The following CDH4 variants were observed in gnomAD, a reference collection of about 807,000 sequenced individuals.
CDH4 encodes the protein cadherin 4, also known as cadherin-4.
CDH4 carries 33 observed loss-of-function variants against 86.0 expected under a neutral mutation model. That is an observed-to-expected ratio of 0.38 (90% CI 0.29 to 0.51). The LOEUF (loss-of-function observed/expected upper bound fraction) is 0.51, where lower values mean the gene tolerates loss of function less well. CDH4 is among the 20% of genes least tolerant of loss of function. The pLI, the probability that CDH4 is intolerant of heterozygous loss-of-function variation, is 0.86. For missense variants in CDH4, 1,114 were observed against 1,307.4 expected (o/e 0.85, Z 2.28); for synonymous variants, 555 against 549.4 (o/e 1.01, Z -0.14).
chr20:61,877,301 C>T (rs1327268351), intron 7 of CDH4, among the ~76,000 whole-genome samples: 4 of 152,146 alleles, frequency 2.6e-5, no homozygotes, highest in Non-Finnish European at 4.4e-5. Context: ...GGCCAGACAC[C>T]GAGGCAAGGC....
intron 2 of CDH4, among the ~76,000 whole-genome samples, chr20:61,371,865 C>T (rs1480505554): frequency 6.6e-6 from 1 of 152,234 alleles, no homozygotes; most frequent in Admixed American, 6.5e-5. Context: ...TGTAAACCCC[C>T]ACCCTCACCA....
intron 7 of CDH4, among the ~76,000 whole-genome samples, chr20:61,877,209 A>G (rs79097100): frequency 2.6e-5 from 4 of 152,104 alleles, no homozygotes; most frequent in African/African-American, 9.7e-5. Context: ...AGGGAGGGCT[A>G]GCAGTCCCAG....
chr20:61,576,808 G>C (rs1161177728), intron 2 of CDH4, among the ~76,000 whole-genome samples: 1 of 152,178 alleles, frequency 6.6e-6, no homozygotes, highest in Non-Finnish European at 1.5e-5. Flanking sequence ...GGATTTCTCT[G>C]TGGCAAAATG....
chr20:61,654,363 G>A (rs549212629), intron 2 of CDH4, among the ~76,000 whole-genome samples: 8 of 152,326 alleles, frequency 5.3e-5, no homozygotes, highest in South Asian at 2.1e-4. Context: ...GCAGTGAGCC[G>A]AGATGGCAGC....
At chr20:61,741,734 A>G (rs1200883729) in intron 2 of CDH4, among the ~76,000 whole-genome samples, 2 of 151,246 alleles carry the variant, frequency 1.3e-5, no homozygotes, top group African/African-American at 4.9e-5. Context: ...CTCGTGATCC[A>G]CCCTCCTCGG....
intron 2 of CDH4, among the ~76,000 whole-genome samples, chr20:61,541,374 G>A (rs1188855186): frequency 6.6e-6 from 1 of 152,168 alleles, no homozygotes; most frequent in African/African-American, 2.4e-5. Context: ...GGCACCCTCT[G>A]CTGATGTTTT....
chr20:61,479,114 G>A (rs140726586), intron 2 of CDH4, among the ~76,000 whole-genome samples: 10 of 152,048 alleles, frequency 6.6e-5, no homozygotes, highest in African/African-American at 1.7e-4. Flanking sequence ...TTGTTCCTCC[G>A]TATGCAATGT....
At chr20:61,355,832 C>A (rs914439726) in intron 2 of CDH4, among the ~76,000 whole-genome samples, 3 of 152,194 alleles carry the variant, frequency 2.0e-5, no homozygotes, top group Non-Finnish European at 2.9e-5. Flanking sequence ...GCCTGAGAAG[C>A]CTTTCAGGCC....
chr20:61,851,567 G>T (rs1191442985), intron 5 of CDH4, among the ~76,000 whole-genome samples: 1 of 152,240 alleles, frequency 6.6e-6, no homozygotes, highest in Admixed American at 6.5e-5. Flanking sequence ...TACCTTGAGT[G>T]AGGTCTGTTG....
chr20:61,596,399 T>C (rs2086557643), intron 2 of CDH4, among the ~76,000 whole-genome samples: 1 of 152,136 alleles, frequency 6.6e-6, no homozygotes, highest in East Asian at 1.9e-4. Flanking sequence ...CACACCCAAC[T>C]CATCGTGTGC....
chr20:61,686,060 G>T (rs1413060578), intron 2 of CDH4, among the ~76,000 whole-genome samples: 1 of 152,202 alleles, frequency 6.6e-6, no homozygotes, highest in Non-Finnish European at 1.5e-5. Flanking sequence ...GAGGTGATGG[G>T]ATTTTTTTTT....
chr20:61,809,319 C>T (rs1980309436), intron 4 of CDH4, among the ~76,000 whole-genome samples: 1 of 152,116 alleles, frequency 6.6e-6, no homozygotes, highest in Non-Finnish European at 1.5e-5. Context: ...GGGTGTGACG[C>T]ATCTGTGCTA....
intron 1 of CDH4, among the ~76,000 whole-genome samples, chr20:61,253,484 C>T (rs1344512649): frequency 1.3e-5 from 2 of 152,170 alleles, no homozygotes; most frequent in Admixed American, 6.5e-5. Flanking sequence ...CTGCCTTCTC[C>T]CGGGCAGCGC....
rs761908460 is a variant in CDH4, at chr20:61,933,040, G to A, written c.2295G>A (p.Thr765=). 1.5e-5 allele frequency: 24 copies of A among 1,613,194 alleles called. No homozygotes were observed. The Middle Eastern group carries it at 4.9e-4, about 33-fold the overall frequency. Residue 765 remains threonine, a synonymous_variant, in exon 14 of 16, where the codon ACG becomes ACA. Transcript: ENST00000614565. Reference sequence around the variant, plus strand: ...AGCGGCGAGAGAAGGAGCGCCACACGAAGCAGCTGCTCATTGACCCCGAGG... The same window carrying A: ...AGCGGCGAGAGAAGGAGCGCCACACAAAGCAGCTGCTCATTGACCCCGAGG... ...WMKRREKERH[T]KQLLIDPEDD...
At position 61,810,326 on chromosome 20, in the gene CDH4, C is replaced by G. The variant is rs1980369054; in HGVS notation, c.577-34342C>G. On this transcript the variant is annotated intron_variant, in intron 4 of 15. Coordinates refer to ENST00000614565, the MANE Select transcript of CDH4 (RefSeq NM_001794.5). This position sits in a 1 kb window ranked among gnomAD's most constrained non-coding sequence, Gnocchi z 4.3. ...CGGCTGTGCCAGGCTGTCGTCCCCC[C>G]CATGAGCCTGCTGTGTGTGTCTGTG... 6.6e-6 allele frequency among the ~76,000 whole-genome samples: 1 copy of G among 152,232 alleles called. No individual in the cohort carries two copies. The highest frequency in any genetic ancestry group is 1.9e-4 in the East Asian group (1 of 5,192).
intron 2 of CDH4, among the ~76,000 whole-genome samples, chr20:61,725,737 G>T (rs188636740): frequency 2.5e-4 from 38 of 152,144 alleles, no homozygotes; most frequent in African/African-American, 3.6e-4. Context: ...GAGACACAAG[G>T]GGGGAGGAGG....
At chr20:61,652,926 A>ATTTT (rs1430069868) in intron 2 of CDH4, among the ~76,000 whole-genome samples, 2 of 112,616 alleles carry the variant, frequency 1.8e-5, no homozygotes, top group Admixed American at 8.7e-5. Flanking sequence ...GAATTTATTT[A>ATTTT]TTTATTTATT....
chr20:61,500,518 A>G (rs905063549), intron 2 of CDH4, among the ~76,000 whole-genome samples: 4 of 152,062 alleles, frequency 2.6e-5, no homozygotes, highest in African/African-American at 9.7e-5. Context: ...GCTCACTGCA[A>G]AGAGACTTGA....
At position 61,924,324 on chromosome 20, in the gene CDH4, G is replaced by T; in HGVS notation, c.1629-10G>T. The T allele has an allele frequency of 6.2e-7, 1 of 1,610,748 alleles. No homozygotes were observed. The highest frequency in any genetic ancestry group is 8.5e-7 in the Non-Finnish European group (1 of 1,178,936). On this transcript the variant is annotated splice_polypyrimidine_tract_variant and intron_variant, in intron 10 of 15. Coordinates refer to ENST00000614565, the MANE Select transcript of CDH4 (RefSeq NM_001794.5). ...AGCCTTACCTCCCCCTGCACTTGTGGTCTCCGCAGATACTCAAAGCTGTCA... is the reference window on the plus strand; with the variant it reads ...AGCCTTACCTCCCCCTGCACTTGTGTTCTCCGCAGATACTCAAAGCTGTCA...
Sources: gnomAD v4.1 joint callset for allele counts (sites outside exome capture counted in the v4.1 genomes callset) on GRCh38, gnomAD v4.1.1 for gene constraint, Gnocchi (gnomAD v3.1) non-coding constraint, MANE v1.5 for transcripts, NCBI Gene and HGNC (gene_info 2026-07-23, HGNC 2026-07-21) for gene names.